Variants in WDR72 observed in about 807,000 individuals in gnomAD.
The protein encoded by WDR72 is WD repeat domain 72, also known as WD repeat-containing protein 72.
In WDR72, 120 loss-of-function variants were observed where a neutral mutation model predicts 124.2. The ratio of observed to expected loss-of-function variants is 0.97; its 90% CI spans 0.83 to 1.12. The LOEUF (loss-of-function observed/expected upper bound fraction) is 1.12, where lower values mean the gene tolerates loss of function less well. WDR72 is among the 50% of genes most tolerant of loss of function. The pLI, the probability that WDR72 is intolerant of heterozygous loss-of-function variation, is 0.00. For missense variants in WDR72, 1,387 were observed against 1,278.8 expected, an observed-to-expected ratio of 1.08 and a Z score of -1.29; for synonymous variants, 452 against 441.7, an observed-to-expected ratio of 1.02 and a Z score of -0.29.
At chr15:53,536,489 C>T (rs12907854) in intron 18 of WDR72, among the ~76,000 whole-genome samples, 11,197 of 152,046 alleles carry the variant, frequency 0.074, 574 homozygotes, top group Non-Finnish European at 0.1. Flanking sequence ...GCTCATCGGT[C>T]GACCTCCAAA....
chr15:53,698,065 T>C (rs185988584), intron 13 of WDR72, among the ~76,000 whole-genome samples: 2 of 152,152 alleles, frequency 1.3e-5, no homozygotes, highest in East Asian at 3.8e-4. Flanking sequence ...CAAACGTTCT[T>C]CAACATTTGG....
At position 53,720,950 on chromosome 15, in the gene WDR72, C is replaced by T. The variant is rs1217624921; in HGVS notation, c.260+1852G>A. Among the ~76,000 whole-genome samples, 3 of 152,304 alleles carry T rather than the reference C, an allele frequency of 2.0e-5. No individual in the cohort carries two copies. The East Asian group carries it at 5.8e-4, about 29-fold the overall frequency. Reference sequence around the variant, plus strand: ...AAAGGCAAAAATGCTAAGTCCATAGCCAATATCTGGGACTTCTCAAATCTA... The same window carrying T: ...AAAGGCAAAAATGCTAAGTCCATAGTCAATATCTGGGACTTCTCAAATCTA... On this transcript the variant is annotated intron_variant, in intron 3 of 19. Transcript: ENST00000360509.
intron 19 of WDR72, among the ~76,000 whole-genome samples, chr15:53,518,691 C>T (rs1309234268): frequency 1.3e-5 from 2 of 151,702 alleles, no homozygotes; most frequent in African/African-American, 2.4e-5. Context: ...CCATCTCCAA[C>T]ACTCCAGTCC....
chr15:53,762,209 C>G (rs1057415242), upstream of WDR72, among the ~76,000 whole-genome samples: 5 of 152,112 alleles, frequency 3.3e-5, no homozygotes, highest in Admixed American at 6.5e-5. Flanking sequence ...GGTTTTCCAT[C>G]TCTTAAACTT....
chr15:53,602,534 C>G (rs2013089745), intron 17 of WDR72, among the ~76,000 whole-genome samples: 1 of 151,274 alleles, frequency 6.6e-6, no homozygotes, highest in Admixed American at 6.6e-5. Flanking sequence ...TTCAAGAGAT[C>G]AACAAACCCA....
intron 1 of WDR72, among the ~76,000 whole-genome samples, chr15:53,749,611 A>T (rs2018727057): frequency 6.6e-6 from 1 of 152,158 alleles, no homozygotes; most frequent in African/African-American, 2.4e-5. Context: ...CAAAGCCAAA[A>T]ATGATTAAGT....
At chr15:53,703,301 A>G (rs2017241498) in intron 11 of WDR72, among the ~76,000 whole-genome samples, 1 of 152,220 alleles carries the variant, frequency 6.6e-6, no homozygotes, top group Non-Finnish European at 1.5e-5. Flanking sequence ...GATGTTAGAC[A>G]TTACCTAATT....
At chr15:53,628,509 G>C (rs2014297252) in intron 14 of WDR72, among the ~76,000 whole-genome samples, 1 of 152,096 alleles carries the variant, frequency 6.6e-6, no homozygotes. Flanking sequence ...GTGATTTCTT[G>C]ATGCGGAAAA....
intron 2 of WDR72, among the ~76,000 whole-genome samples, chr15:53,728,122 G>T (rs1476252075): frequency 6.6e-6 from 1 of 152,126 alleles, no homozygotes; most frequent in Non-Finnish European, 1.5e-5. Flanking sequence ...GAAGTTTAAT[G>T]GACTTACAGT....
At chr15:53,696,877 T>A (rs186190221) in intron 13 of WDR72, among the ~76,000 whole-genome samples, 1 of 152,132 alleles carries the variant, frequency 6.6e-6, no homozygotes, top group Non-Finnish European at 1.5e-5. Flanking sequence ...ATATAGAAAG[T>A]TGGGCCACCA....
chr15:53,656,275 G>C (rs117310299), intron 14 of WDR72, among the ~76,000 whole-genome samples: 1,981 of 152,200 alleles, frequency 0.013, 32 homozygotes, highest in East Asian at 0.069. Flanking sequence ...ATAAATAAAC[G>C]TCATTTGGAG....
At chr15:53,667,859 C>T (rs533025071) in intron 13 of WDR72, among the ~76,000 whole-genome samples, 50 of 152,258 alleles carry the variant, frequency 3.3e-4, no homozygotes, top group Middle Eastern at 3.4e-3. Context: ...TAATGTCTTA[C>T]CCAAATACAA....
chr15:53,629,754 C>T (rs970425481), intron 14 of WDR72, among the ~76,000 whole-genome samples: 2 of 151,654 alleles, frequency 1.3e-5, no homozygotes, highest in Admixed American at 6.6e-5. Flanking sequence ...TCTCATTGCC[C>T]CTCTCTAGCT....
At chr15:53,746,005 A>G (rs1477641241) in intron 1 of WDR72, among the ~76,000 whole-genome samples, 1 of 152,206 alleles carries the variant, frequency 6.6e-6, no homozygotes, top group Non-Finnish European at 1.5e-5. Context: ...GTTGTTCTAA[A>G]AAAAGAAAAA....
At chr15:53,678,477 G>C (rs544893288) in intron 13 of WDR72, among the ~76,000 whole-genome samples, 14 of 152,074 alleles carry the variant, frequency 9.2e-5, no homozygotes, top group Non-Finnish European at 1.8e-4. Flanking sequence ...TTCTTTTCCC[G>C]GAGCATTCTA....
chr15:53,686,719 C>T (rs949621468), intron 13 of WDR72, among the ~76,000 whole-genome samples: 6 of 149,874 alleles, frequency 4.0e-5, no homozygotes, highest in African/African-American at 1.5e-4. Flanking sequence ...ACCTAATAGA[C>T]ATCTACAGAA....
At chr15:53,740,931 G>A (rs1421464127) in intron 1 of WDR72, among the ~76,000 whole-genome samples, 1 of 152,170 alleles carries the variant, frequency 6.6e-6, no homozygotes, top group Non-Finnish European at 1.5e-5. Context: ...GTGGAGCAGA[G>A]AGCAATACTA....
chr15:53,579,258 T>G (rs1462457155), intron 18 of WDR72, among the ~76,000 whole-genome samples: 1 of 152,138 alleles, frequency 6.6e-6, no homozygotes, highest in Non-Finnish European at 1.5e-5. Context: ...TTATGGGATT[T>G]CTTTAGCTAT....
At chr15:53,565,256 G>A (rs958601870) in intron 18 of WDR72, among the ~76,000 whole-genome samples, 2 of 151,852 alleles carry the variant, frequency 1.3e-5, no homozygotes, top group African/African-American at 2.4e-5. Flanking sequence ...AAGAGATGCA[G>A]TTTAAGAAGT....
Sources: gnomAD v4.1 joint callset for allele counts (sites outside exome capture counted in the v4.1 genomes callset) on GRCh38, gnomAD v4.1.1 for gene constraint, MANE v1.5 for transcripts, NCBI Gene and HGNC (gene_info 2026-07-23, HGNC 2026-07-21) for gene names.